Variants in PUS3 observed in about 807,000 individuals in gnomAD.
PUS3 encodes pseudouridine synthase 3.
A neutral mutation model predicts 43.3 loss-of-function variants in PUS3; 36 were observed. That is an observed-to-expected ratio of 0.83 (90% confidence interval 0.64 to 1.10). The LOEUF is 1.10. Among genes scored for constraint, PUS3 ranks in the 50% least tolerant of loss-of-function variants. PUS3 has a pLI of 0.00. For missense variants in PUS3, 544 were observed against 589.9 expected, an observed-to-expected ratio of 0.92 and a Z score of 0.81; for synonymous variants, 183 against 199.2, an observed-to-expected ratio of 0.92 and a Z score of 0.69.
In PUS3 at chr11:125,894,119, G is replaced by C. The variant is rs139252433; in HGVS notation, c.1112C>G (p.Thr371Ser). 80 of 1,614,026 alleles carry C rather than the reference G, an allele frequency of 5.0e-5. No individual in the cohort carries two copies. The African/African-American group carries it at 9.7e-4, about 20-fold the overall frequency. ...TCCTATTCCACAGGGTACTGGAACAGTGTCCAGTCCTTGTAGCATACTATA... is the reference window on the plus strand; with the variant it reads ...TCCTATTCCACAGGGTACTGGAACACTGTCCAGTCCTTGTAGCATACTATA... ...MLYSMLQGLDTVPVPCGIGPK... is the reference protein window; with the variant it reads ...MLYSMLQGLDSVPVPCGIGPK... Residue 371 changes from threonine (T) to serine (S), a missense_variant, in exon 4 of 4, where the codon ACT becomes AGT. Thr to Ser is a moderately conservative substitution (Grantham distance 58, BLOSUM62 1). Transcript: ENST00000227474.
intron 1 of PUS3, among the ~76,000 whole-genome samples, chr11:125,901,024 AAAAGAAG>A (rs1944758335): frequency 1.3e-5 from 2 of 151,754 alleles, no homozygotes. Flanking sequence ...AAAAAAAAAA[AAAAGAAG>A]GAACAAAAAC....
intron 3 of PUS3, among the ~76,000 whole-genome samples, chr11:125,894,508 G>A (rs1185166921): frequency 6.6e-6 from 1 of 152,090 alleles, no homozygotes; most frequent in Non-Finnish European, 1.5e-5. Context: ...TCTATGTAAG[G>A]TAAATGTCAG....
chr11:125,901,916 A>AT (rs1420226989), intron 1 of PUS3, among the ~76,000 whole-genome samples: 5 of 152,216 alleles, frequency 3.3e-5, no homozygotes, highest in Non-Finnish European at 7.3e-5. Context: ...GAGTAGTGGG[A>AT]TTAAAGGTAA....
chr11:125,902,486 C>T (rs1439397148), intron 1 of PUS3, among the ~76,000 whole-genome samples: 3 of 151,544 alleles, frequency 2.0e-5, no homozygotes, highest in Non-Finnish European at 2.9e-5. Flanking sequence ...AGATGGCGCA[C>T]GCCTGCAGTC....
chr11:125,900,291 G>C, intron 1 of PUS3: 2 of 1,611,264 alleles, frequency 1.2e-6, no homozygotes, highest in South Asian at 2.2e-5. Flanking sequence ...TTCTTTCACA[G>C]GATTGTTTGA....
chr11:125,895,407 C>T lies in PUS3; in HGVS notation c.761G>A (p.Gly254Asp), dbSNP rs752183515. 1.9e-6 allele frequency: 3 copies of T among 1,613,958 alleles called. No individual in the cohort carries two copies. Among genetic ancestry groups the T allele is most frequent in the African/African-American group, 1.3e-5 (1 of 74,926 alleles). The change falls in exon 3 of 4, where the codon GGT becomes GAT. Residue 254 changes from glycine (G) to aspartate (D), a missense_variant. Coordinates refer to ENST00000227474, the MANE Select transcript of PUS3 (RefSeq NM_031307.4). ...AQVQLVGQSP[G>D]EGRWQEPFQL... The stretch of plus-strand genomic sequence containing the variant: ...GAAAGGTTCTTGCCATCTCCCCTCA[C>T]CTGGGCTCTGGCCCACTAGCTGTAC...
chr11:125,902,599 TA>T (rs55792535), intron 1 of PUS3, among the ~76,000 whole-genome samples: 208 of 117,294 alleles, frequency 1.8e-3, no homozygotes, highest in Middle Eastern at 4.9e-3. Flanking sequence ...GCGACAGTCT[TA>T]AAAAAAAAAA....
chr11:125,899,902 C>T (rs944610680), intron 1 of PUS3: 2 of 1,614,210 alleles, frequency 1.2e-6, no homozygotes, highest in South Asian at 2.2e-5. Context: ...AAGGAATGGG[C>T]TCTCCAGCTT....
intron 1 of PUS3, chr11:125,899,618 G>A (rs1466499019): frequency 6.2e-7 from 1 of 1,614,176 alleles, no homozygotes; most frequent in African/African-American, 1.3e-5. Flanking sequence ...AACAGTCTCT[G>A]AGGCCTCCCA....
At chr11:125,898,824 G>A (rs1392474639) in intron 1 of PUS3, among the ~76,000 whole-genome samples, 2 of 151,850 alleles carry the variant, frequency 1.3e-5, no homozygotes, top group Non-Finnish European at 2.9e-5. Context: ...TCAGTCTGAA[G>A]CCAAACTGCT....
Position 125,899,914 on chromosome 11 carries a change from C to T in PUS3, c.-47+3256G>A, listed in dbSNP as rs149584336. The T allele has an allele frequency of 2.0e-5, 32 of 1,614,068 alleles. No homozygotes were observed. The highest frequency in any genetic ancestry group is 5.0e-5 in the Admixed American group (3 of 60,014). ...GAGAAGGAATGGGCTCTCCAGCTTA[C>T]GAACAAGACCTGATTGTTGCCAGCA... On this transcript the variant is annotated intron_variant, in intron 1 of 3. Transcript: ENST00000227474.
At chr11:125,898,259 AT>A (rs1441489051) in intron 1 of PUS3, among the ~76,000 whole-genome samples, 2 of 152,216 alleles carry the variant, frequency 1.3e-5, no homozygotes, top group African/African-American at 4.8e-5. Flanking sequence ...GACACAGGAA[AT>A]AGTGGACAGT....
At chr11:125,897,102 C>T (rs147912457) in intron 1 of PUS3, among the ~76,000 whole-genome samples, 2 of 152,302 alleles carry the variant, frequency 1.3e-5, no homozygotes, top group South Asian at 2.1e-4. Context: ...AACTGTACTA[C>T]ATCCTTAAAA....
chr11:125,898,237 A>T (rs1173947201), intron 1 of PUS3, among the ~76,000 whole-genome samples: 3 of 152,228 alleles, frequency 2.0e-5, no homozygotes, highest in African/African-American at 4.8e-5. Context: ...GTTTAAAAAG[A>T]AAAATAGTGG....
rs765157792 is a variant in PUS3, at chr11:125,899,634, T to C, written c.-46-3304A>G. The C allele has an allele frequency of 1.2e-6, 2 of 1,614,044 alleles. No homozygotes were observed. Among genetic ancestry groups the C allele is most frequent in the East Asian group, 2.2e-5 (1 of 44,886 alleles). On this transcript the variant is annotated intron_variant, in intron 1 of 3. Coordinates refer to ENST00000227474, the MANE Select transcript of PUS3 (RefSeq NM_031307.4). The stretch of plus-strand genomic sequence containing the variant: ...ACAGTCTCTGAGGCCTCCCAAAGAC[T>C]CCGAAAGCCAGTGATGAAGAGAAAG...
chr11:125,894,005 C>G lies in PUS3; in HGVS notation c.1226G>C (p.Arg409Pro), dbSNP rs201659793. ...ACGGTCCATGAGGGGCTTATATGTG[C>G]GCATCTTCACTCCTTCTACAAAGGC... ...TSAFVEGVKM[R>P]TYKPLMDRPK... Residue 409 changes from arginine to proline, a missense_variant, in exon 4 of 4, where the codon CGC becomes CCC. By Grantham distance (103) the Arg-to-Pro change is moderately radical. Transcript: ENST00000227474. 4.3e-6 allele frequency: 7 copies of G among 1,614,012 alleles called. No individual in the cohort carries two copies. The African/African-American group carries it at 9.3e-5, about 22-fold the overall frequency.
At chr11:125,897,809 T>G (rs1328240350) in intron 1 of PUS3, among the ~76,000 whole-genome samples, 1 of 152,160 alleles carries the variant, frequency 6.6e-6, no homozygotes, top group Non-Finnish European at 1.5e-5. Flanking sequence ...CTGTCAAAAT[T>G]GAATATACAC....
At chr11:125,895,088 C>G in intron 3 of PUS3, 136 bp downstream of exon 3, 1 of 558,000 alleles carries the variant, frequency 1.8e-6, no homozygotes, top group Non-Finnish European at 3.0e-6. Context: ...CCTCTGTCAC[C>G]CATGCTGGAA....
chr11:125,894,363 G>T, intron 3 of PUS3, 77 bp from the exon 4 acceptor site: 1 of 1,247,366 alleles, frequency 8.0e-7, no homozygotes, highest in Non-Finnish European at 1.1e-6. Flanking sequence ...AGGGTTAGTT[G>T]CGTTAAGGGA....
Sources: gnomAD v4.1 joint callset for allele counts (sites outside exome capture counted in the v4.1 genomes callset) on GRCh38, gnomAD v4.1.1 for gene constraint, MANE v1.5 for transcripts, NCBI Gene and HGNC (gene_info 2026-07-23, HGNC 2026-07-21) for gene names.